MUC17: variants seen among roughly 807,000 people sequenced by gnomAD.
The protein encoded by MUC17 is mucin 17, cell surface associated, also known as mucin-17.
MUC17 carries 190 observed loss-of-function variants against 170.3 expected under a neutral mutation model. The ratio of observed to expected loss-of-function variants is 1.12; its 90% CI spans 0.99 to 1.26. The LOEUF is 1.26. Among genes scored for constraint, MUC17 ranks in the 50% most tolerant of loss-of-function variants. The pLI is 0.00. For synonymous variants in MUC17, 2,325 were observed against 2,002.5 expected, an observed-to-expected ratio of 1.16 and a Z score of -4.30; for missense variants, 6,415 against 5,530.0, an observed-to-expected ratio of 1.16 and a Z score of -5.08.
In MUC17 at chr7:101,032,776, T is replaced by A; in HGVS notation, c.1360T>A (p.Leu454Ile). The A allele has an allele frequency of 6.2e-7, 1 of 1,614,092 alleles. No individual in the cohort carries two copies. Among genetic ancestry groups the A allele is most frequent in the South Asian group, 1.1e-5 (1 of 91,086 alleles). ...AACTCCTAGTGAAGGAAGCACTCCA[T>A]TAACAAGTATGCCTGTCAGCACCAC... ...TSTPSEGSTP[L>I]TSMPVSTTPV... is the part of the protein sequence containing the mutation. Residue 454 changes from leucine to isoleucine, a missense_variant, in exon 3 of 13, where the codon TTA (leucine) becomes ATA (isoleucine). By Grantham distance (5) the Leu-to-Ile change is conservative. Transcript: ENST00000306151.
rs140415574 is a variant in MUC17, at chr7:101,043,286, C to A, written c.11870C>A (p.Thr3957Lys). Residue 3957 changes from threonine to lysine, a missense_variant, in exon 3 of 13, where the codon ACA becomes AAA. By Grantham distance (78) the Thr-to-Lys change is moderately conservative. Coordinates refer to ENST00000306151, the MANE Select transcript of MUC17 (RefSeq NM_001040105.2). ...TSSTADVFPA[T>K]TGAVSTPVIT... ...TCTACTGCTGATGTCTTTCCTGCAACAACTGGTGCTGTATCTACCCCTGTG... is the reference window on the plus strand; with the variant it reads ...TCTACTGCTGATGTCTTTCCTGCAAAAACTGGTGCTGTATCTACCCCTGTG... 3 of 1,614,200 alleles carry A rather than the reference C, an allele frequency of 1.9e-6. No homozygotes were observed. Among genetic ancestry groups the A allele is most frequent in the East Asian group, 4.5e-5 (2 of 44,892 alleles).
At chr7:101,053,261 A>G (rs540681141) in intron 10 of MUC17, 78 bp from the exon 11 acceptor site, 158 of 1,582,326 alleles carry the variant, frequency 1.0e-4, no homozygotes, top group Non-Finnish European at 1.3e-4. Context: ...GCAGCTAAAA[A>G]TGGGGATACA....
Position 101,041,486 on chromosome 7 carries a change from C to G in MUC17, c.10070C>G (p.Ala3357Gly), listed in dbSNP as rs567258117. Reference protein sequence around the residue: ...FSTTPVVSSEASTLSTTPVDT... With the variant: ...FSTTPVVSSEGSTLSTTPVDT... Reference sequence around the variant, plus strand: ...ACCACGCCAGTGGTCAGTTCTGAGGCTAGCACCCTTTCCACAACTCCTGTT... The same window carrying G: ...ACCACGCCAGTGGTCAGTTCTGAGGGTAGCACCCTTTCCACAACTCCTGTT... The change falls in exon 3 of 13, where the codon GCT (alanine) becomes GGT (glycine). Residue 3357 changes from alanine to glycine, a missense_variant. Coordinates refer to ENST00000306151, the MANE Select transcript of MUC17 (RefSeq NM_001040105.2). 1 of 1,613,520 alleles carries G rather than the reference C, an allele frequency of 6.2e-7. No individual in the cohort carries two copies. Among genetic ancestry groups the G allele is most frequent in the African/African-American group, 1.3e-5 (1 of 74,834 alleles).
chr7:101,037,195 C>T lies in MUC17; in HGVS notation c.5779C>T (p.Pro1927Ser), dbSNP rs1231009043. The T allele has an allele frequency of 6.2e-7, 1 of 1,611,068 alleles. No individual in the cohort carries two copies. ...CTCAACTCCTAGGGAAGGAAGGCCT[C>T]CATTAACAAGTATACCTGTCAGCAC... ...PTSTPREGRP[P>S]LTSIPVSTTT... Residue 1927 changes from proline to serine, a missense_variant, in exon 3 of 13, where the codon CCA (proline) becomes TCA (serine). Coordinates refer to ENST00000306151, the MANE Select transcript of MUC17 (RefSeq NM_001040105.2).
intron 1 of MUC17, among the ~76,000 whole-genome samples, chr7:101,025,144 C>T (rs188028357): frequency 9.1e-4 from 138 of 151,906 alleles, no homozygotes; most frequent in Non-Finnish European, 7.1e-4. Flanking sequence ...GTGGGAGGAT[C>T]GCTTGAGCCC....
Position 101,037,128 on chromosome 7 carries a change from C to A in MUC17, c.5712C>A (p.Val1904=), listed in dbSNP as rs780477426. 3.1e-6 allele frequency: 5 copies of A among 1,611,924 alleles called. No individual in the cohort carries two copies. The East Asian group carries it at 9.0e-5, about 29-fold the overall frequency. Residue 1904 remains valine (V), a synonymous_variant, in exon 3 of 13, where the codon GTC becomes GTA. Transcript: ENST00000306151. Reference sequence around the variant, plus strand: ...CACCTGTGACCACTTATGCTCAAGTCAGTTCATCTCCTACAACTGCTGACG... The same window carrying A: ...CACCTGTGACCACTTATGCTCAAGTAAGTTCATCTCCTACAACTGCTGACG... ...TSTPVTTYAQ[V]SSSPTTADGS...
chr7:101,039,444 T>A lies in MUC17; in HGVS notation c.8028T>A (p.Thr2676=). The A allele has an allele frequency of 3.7e-6, 6 of 1,610,746 alleles. 1 individual carries two copies. Among genetic ancestry groups the A allele is most frequent in the Non-Finnish European group, 4.2e-6 (5 of 1,178,716 alleles). The stretch of plus-strand genomic sequence containing the variant: ...CTGGAACCAGTTCATCTCCTACAAC[T>A]GCTGAAGGTAGCAGCATGCCAACCT... ...TSTGTSSSPT[T]AEGSSMPTST... is the part of the protein sequence containing the mutation. The change falls in exon 3 of 13, where the codon ACT becomes ACA. Residue 2676 remains threonine (T), a synonymous_variant. Transcript: ENST00000306151.
Position 101,037,705 on chromosome 7 carries a change from C to G in MUC17, c.6289C>G (p.Pro2097Ala), listed in dbSNP as rs200187780. ...AGGTAGCAGCATGACAATCTCAGCT[C>G]CTAGTGAAGGAAGTCCTCTACTAAC... is the stretch of plus-strand genomic sequence containing the variant. Reference protein sequence around the residue: ...AEGSSMTISAPSEGSPLLTSI... With the variant: ...AEGSSMTISAASEGSPLLTSI... Residue 2097 changes from proline (P) to alanine (A), a missense_variant, in exon 3 of 13, where the codon CCT becomes GCT. By Grantham distance (27) the Pro-to-Ala change is conservative. Transcript: ENST00000306151. The G allele has an allele frequency of 1.4e-5, 22 of 1,612,456 alleles. No homozygotes were observed. In the Middle Eastern group the frequency reaches 8.3e-4, roughly 61 times the overall value.
Position 101,036,386 on chromosome 7 carries a change from A to G in MUC17, c.4970A>G (p.Asp1657Gly), listed in dbSNP as rs1423339344. The G allele has an allele frequency of 1.8e-5, 29 of 1,608,612 alleles. No homozygotes were observed. The highest frequency in any genetic ancestry group is 2.5e-5 in the Non-Finnish European group (29 of 1,178,478). Residue 1657 changes from aspartate to glycine, a missense_variant, in exon 3 of 13, where the codon GAC becomes GGC. Coordinates refer to ENST00000306151, the MANE Select transcript of MUC17 (RefSeq NM_001040105.2). ...AGCACCCTTTCAACAACTCCTGTTG[A>G]CTCCAACAGTCCTGTGATCACTTCT... The part of the protein sequence containing the change: ...EASTLSTTPV[D>G]SNSPVITSTE...
rs755487469 is a variant in MUC17 at position 101,037,596 on chromosome 7, G to T, written c.6180G>T (p.Glu2060Asp). 19 of 1,613,346 alleles carry T rather than the reference G, an allele frequency of 1.2e-5. No homozygotes were observed. The highest frequency in any genetic ancestry group is 1.5e-5 in the Non-Finnish European group (18 of 1,179,818). ...GCACTACGCTTGTGGTCAGTTCTGA[G>T]GGTAACACCCTTTCAACAACTCCTG... ...PVSTTLVVSS[E>D]GNTLSTTPVD... is the part of the protein sequence containing the mutation. Residue 2060 changes from glutamate (E) to aspartate (D), a missense_variant, in exon 3 of 13, where the codon GAG (glutamate) becomes GAT (aspartate). Coordinates refer to ENST00000306151, the MANE Select transcript of MUC17 (RefSeq NM_001040105.2).
rs1444407122 is a variant in MUC17 at position 101,042,617 on chromosome 7, C to T, written c.11201C>T (p.Ser3734Phe). 2 of 1,613,830 alleles carry T rather than the reference C, an allele frequency of 1.2e-6. No homozygotes were observed. Among genetic ancestry groups the T allele is most frequent in the Admixed American group, 1.7e-5 (1 of 60,008 alleles). ...PVTTSTEAISSSATLDSTTMS... is the reference protein window; with the variant it reads ...PVTTSTEAISFSATLDSTTMS... The stretch of plus-strand genomic sequence containing the variant: ...ACCACTTCTACTGAAGCCATTTCAT[C>T]TTCTGCAACTCTTGACAGCACCACC... The change falls in exon 3 of 13, where the codon TCT becomes TTT. Residue 3734 changes from serine (S) to phenylalanine (F), a missense_variant. Coordinates refer to ENST00000306151, the MANE Select transcript of MUC17 (RefSeq NM_001040105.2).
Position 101,036,806 on chromosome 7 carries a change from G to A in MUC17, c.5390G>A (p.Ser1797Asn), listed in dbSNP as rs758269679. The A allele has an allele frequency of 1.9e-6, 3 of 1,605,592 alleles. No individual in the cohort carries two copies. The highest frequency in any genetic ancestry group is 1.7e-6 in the Non-Finnish European group (2 of 1,175,676). Residue 1797 changes from serine (S) to asparagine (N), a missense_variant, in exon 3 of 13, where the codon AGC becomes AAC. Physicochemically the swap from Ser to Asn is conservative, Grantham distance 46. Transcript: ENST00000306151. ...TSSPTTAEGT[S>N]IPTSTLSEGM... ...TCTCCTACAACTGCTGAAGGTACCA[G>A]CATACCAACCTCGACTCTTAGTGAA...
At chr7:101,047,365 G>T (rs115676191) in intron 3 of MUC17, among the ~76,000 whole-genome samples, 2 of 152,058 alleles carry the variant, frequency 1.3e-5, no homozygotes, top group Non-Finnish European at 2.9e-5. Context: ...CTTTCTTCAC[G>T]TTTTTGGGGT....
chr7:101,027,987 G>A (rs1794210192), intron 1 of MUC17, among the ~76,000 whole-genome samples: 1 of 151,934 alleles, frequency 6.6e-6, no homozygotes, highest in Admixed American at 6.6e-5. Context: ...TGCCCAGGCT[G>A]GTCTCGAACT....
rs146823552 is a variant in MUC17 at position 101,037,592 on chromosome 7, C to T, written c.6176C>T (p.Ser2059Phe). The T allele has an allele frequency of 8.1e-6, 13 of 1,613,768 alleles. No individual in the cohort carries two copies. In the African/African-American group the frequency reaches 1.6e-4, roughly 20 times the overall value. ...GTCAGCACTACGCTTGTGGTCAGTT[C>T]TGAGGGTAACACCCTTTCAACAACT... ...MPVSTTLVVS[S>F]EGNTLSTTPV... Residue 2059 changes from serine to phenylalanine, a missense_variant, in exon 3 of 13, where the codon TCT becomes TTT. Transcript: ENST00000306151.
intron 1 of MUC17, among the ~76,000 whole-genome samples, chr7:101,028,883 G>T (rs1207809390): frequency 7.1e-6 from 1 of 140,108 alleles, no homozygotes; most frequent in Non-Finnish European, 1.5e-5. Context: ...GAGAGACACT[G>T]TCTCTTAAAA....
At chr7:101,031,468 C>A in intron 2 of MUC17, 133 bp from the exon 3 acceptor site, 2 of 1,108,704 alleles carry the variant, frequency 1.8e-6, no homozygotes, top group Non-Finnish European at 2.5e-6. Context: ...GAAACTAATT[C>A]CACTTCTTCC....
chr7:101,054,521 C>T (rs1380786619), intron 11 of MUC17, among the ~76,000 whole-genome samples: 1 of 151,918 alleles, frequency 6.6e-6, no homozygotes, highest in Non-Finnish European at 1.5e-5. Context: ...CACAAAGAGG[C>T]AGGAAAGGGA....
intron 11 of MUC17, among the ~76,000 whole-genome samples, chr7:101,054,866 C>G (rs1467380774): frequency 6.6e-6 from 1 of 152,068 alleles, no homozygotes; most frequent in Non-Finnish European, 1.5e-5. Flanking sequence ...GTAATCCTAG[C>G]ACTTTGGGAG....
Sources: allele counts gnomAD v4.1 joint callset (sites outside exome capture counted in the v4.1 genomes callset), GRCh38; gene constraint gnomAD v4.1.1; transcripts MANE v1.5; gene names NCBI Gene and HGNC (gene_info 2026-07-23, HGNC 2026-07-21).